BMP6: variants seen among roughly 807,000 people sequenced by gnomAD.
The protein encoded by BMP6 is VG-1-R.
BMP6 carries 17 observed loss-of-function variants against 54.1 expected under a neutral mutation model. The ratio of observed to expected loss-of-function variants is 0.31; its 90% CI spans 0.22 to 0.47. BMP6 has a LOEUF of 0.47. Among genes scored for constraint, BMP6 ranks in the 20% least tolerant of loss-of-function variants. The pLI, the probability that BMP6 is intolerant of heterozygous loss-of-function variation, is 1.00. For missense variants in BMP6, 720 were observed against 690.4 expected (o/e 1.04, Z -0.48); for synonymous variants, 328 against 291.2 (o/e 1.13, Z -1.28).
intron 1 of BMP6, among the ~76,000 whole-genome samples, chr6:7,835,388 C>T (rs986728238): frequency 2.6e-5 from 4 of 152,122 alleles, no homozygotes; most frequent in Non-Finnish European, 5.9e-5. Context: ...CGTGAGCCAC[C>T]GTGCCCGGCC....
At chr6:7,853,224 AT>A (rs1321247035) in intron 2 of BMP6, among the ~76,000 whole-genome samples, 1 of 151,860 alleles carries the variant, frequency 6.6e-6, no homozygotes, top group African/African-American at 2.4e-5. Flanking sequence ...TTAATTCAGT[AT>A]TTTTTTTAGT....
chr6:7,756,586 T>C (rs1431910987), intron 1 of BMP6, among the ~76,000 whole-genome samples: 1 of 152,196 alleles, frequency 6.6e-6, no homozygotes, highest in African/African-American at 2.4e-5. Flanking sequence ...TGGATTTTGT[T>C]ATATTCCTTT....
chr6:7,727,102 C>G lies in BMP6; in HGVS notation c.147C>G (p.Ser49Arg). 1 of 1,404,946 alleles carries G rather than the reference C, an allele frequency of 7.1e-7. No individual in the cohort carries two copies. The highest frequency in any genetic ancestry group is 9.3e-7 in the Non-Finnish European group (1 of 1,076,628). 87.0% of individuals were successfully genotyped at this position (1,404,946 alleles called of 1,614,324 possible). The change falls in exon 1 of 7, where the codon AGC becomes AGG. Residue 49 changes from serine to arginine, a missense_variant. By Grantham distance (110) the Ser-to-Arg change is moderately radical. This residue lies in a region of BMP6 where 650 missense variants were observed against 556.3 expected (regional missense o/e 1.17). Transcript: ENST00000283147. Reference protein sequence around the residue: ...AGGQLLGDGGSPGRTEQPPPS... With the variant: ...AGGQLLGDGGRPGRTEQPPPS... ...GGCAGCTGCTGGGGGACGGCGGGAGCCCCGGCCGCACGGAGCAGCCGCCGC... is the reference window on the plus strand; with the variant it reads ...GGCAGCTGCTGGGGGACGGCGGGAGGCCCGGCCGCACGGAGCAGCCGCCGC...
chr6:7,794,604 G>C (rs114809737), intron 1 of BMP6, among the ~76,000 whole-genome samples: 2 of 119,224 alleles, frequency 1.7e-5, no homozygotes, highest in Admixed American at 8.7e-5. Context: ...TGTCCCAAAA[G>C]AAAAAAAAAA....
chr6:7,862,082 C>T (rs953704343), intron 3 of BMP6, among the ~76,000 whole-genome samples: 1 of 152,138 alleles, frequency 6.6e-6, no homozygotes, highest in Admixed American at 6.5e-5. Context: ...TCACGCCACT[C>T]CTTCATGTGA....
At chr6:7,867,873 G>T (rs13213419) in intron 4 of BMP6, among the ~76,000 whole-genome samples, 7,700 of 152,278 alleles carry the variant, frequency 0.051, 407 homozygotes, top group African/African-American at 0.13. Context: ...GAACAGACTG[G>T]AAAGTTCCCT....
At chr6:7,844,565 A>G (rs1759029819) in intron 1 of BMP6, among the ~76,000 whole-genome samples, 1 of 151,954 alleles carries the variant, frequency 6.6e-6, no homozygotes, top group Non-Finnish European at 1.5e-5. Flanking sequence ...AAATGTGAAG[A>G]CCCTTTACAC....
intron 5 of BMP6, 91 bp from the exon 6 acceptor site, chr6:7,879,900 G>A (rs1759685642): frequency 7.4e-7 from 1 of 1,356,728 alleles, no homozygotes; most frequent in Non-Finnish European, 1.0e-6. Context: ...TGTGCAATGT[G>A]AAAAATACCT....
chr6:7,817,566 G>A (rs1307084969), intron 1 of BMP6, among the ~76,000 whole-genome samples: 2 of 123,814 alleles, frequency 1.6e-5, no homozygotes, highest in African/African-American at 6.1e-5. Context: ...ACACACGGGG[G>A]CCTGTCGTGG....
intron 4 of BMP6, among the ~76,000 whole-genome samples, chr6:7,875,274 G>A (rs962906269): frequency 3.9e-5 from 6 of 152,158 alleles, no homozygotes; most frequent in East Asian, 1.9e-4. Context: ...GCCCTGAACC[G>A]AGGAGATGAT....
At chr6:7,818,904 A>G (rs1366088929) in intron 1 of BMP6, among the ~76,000 whole-genome samples, 1 of 152,248 alleles carries the variant, frequency 6.6e-6, no homozygotes, top group African/African-American at 2.4e-5. Context: ...TGCATTTTAT[A>G]AACACGTGAA....
intron 4 of BMP6, among the ~76,000 whole-genome samples, chr6:7,872,505 C>T (rs1343009631): frequency 6.6e-6 from 1 of 152,184 alleles, no homozygotes; most frequent in Non-Finnish European, 1.5e-5. Flanking sequence ...CCTCCTTTTC[C>T]TCTCTCTGGC....
chr6:7,754,845 G>A (rs968336587), intron 1 of BMP6, among the ~76,000 whole-genome samples: 1 of 152,034 alleles, frequency 6.6e-6, no homozygotes, highest in Admixed American at 6.6e-5. Context: ...AGCCCCCTGA[G>A]TAGCTGGGAT....
chr6:7,877,693 T>C (rs1759643804), intron 4 of BMP6, among the ~76,000 whole-genome samples: 1 of 152,142 alleles, frequency 6.6e-6, no homozygotes, highest in South Asian at 2.1e-4. Flanking sequence ...GACTGGGAGT[T>C]AGAAGTTAGA....
chr6:7,853,257 C>T (rs1055176715), intron 2 of BMP6, among the ~76,000 whole-genome samples: 17 of 152,098 alleles, frequency 1.1e-4, no homozygotes, highest in African/African-American at 3.6e-4. Context: ...TTTGATACAT[C>T]ATGACCAGAA....
chr6:7,758,110 G>C (rs1757554589), intron 1 of BMP6, among the ~76,000 whole-genome samples: 1 of 152,216 alleles, frequency 6.6e-6, no homozygotes, highest in Non-Finnish European at 1.5e-5. Flanking sequence ...TAGTAGAGAA[G>C]AATGCCCCTG....
At chr6:7,778,627 G>T (rs1180127635) in intron 1 of BMP6, among the ~76,000 whole-genome samples, 1 of 152,180 alleles carries the variant, frequency 6.6e-6, no homozygotes, top group Admixed American at 6.5e-5. Flanking sequence ...ACTTGAAGGA[G>T]AAACTGGAAC....
At chr6:7,761,710 C>T (rs1757616322) in intron 1 of BMP6, among the ~76,000 whole-genome samples, 1 of 152,136 alleles carries the variant, frequency 6.6e-6, no homozygotes, top group South Asian at 2.1e-4. Context: ...AATGGTGGCT[C>T]CTTCAAAAAG....
At chr6:7,829,416 G>A (rs1188587638) in intron 1 of BMP6, among the ~76,000 whole-genome samples, 2 of 152,102 alleles carry the variant, frequency 1.3e-5, no homozygotes, top group Non-Finnish European at 2.9e-5. Context: ...TAAAAAGACT[G>A]CAGTTAGCCA....
Sources: allele counts gnomAD v4.1 joint callset (sites outside exome capture counted in the v4.1 genomes callset), GRCh38; gene constraint gnomAD v4.1.1; regional missense constraint gnomAD v4.1.1; transcripts MANE v1.5; gene names NCBI Gene and HGNC (gene_info 2026-07-23, HGNC 2026-07-21).